The following STK39 variants were observed in gnomAD, a reference collection of about 807,000 sequenced individuals.
The protein encoded by STK39 is STE20/SPS1-related proline-alanine-rich protein kinase.
A neutral mutation model predicts 77.8 loss-of-function variants in STK39; 20 were observed. That is an observed-to-expected ratio of 0.26 (90% confidence interval 0.18 to 0.37). The LOEUF is 0.37. Among genes scored for constraint, STK39 ranks in the 10% least tolerant of loss-of-function variants. The probability of loss-of-function intolerance (pLI) is 1.00; values close to 1 mark genes in which losing one functional copy is unlikely to be tolerated. For missense variants in STK39, 479 were observed against 656.5 expected (o/e 0.73, Z 2.95); for synonymous variants, 246 against 234.1 (o/e 1.05, Z -0.47).
At chr2:168,009,296 G>T (rs537752958) in intron 16 of STK39, among the ~76,000 whole-genome samples, 133 of 152,270 alleles carry the variant, frequency 8.7e-4, no homozygotes, top group Non-Finnish European at 1.6e-3. Context: ...GTAGAGATTT[G>T]CTAGGATTGG....
Position 168,075,010 on chromosome 2 carries a change from G to A in STK39, c.1214C>T (p.Ser405Leu). Residue 405 changes from serine to leucine, a missense_variant and splice_region_variant, in exon 12 of 18, where the codon TCA becomes TTA. Ser to Leu is a moderately radical substitution (Grantham distance 145). This residue lies in a region of STK39 where 244 missense variants were observed against 296.8 expected (regional missense o/e 0.82). Coordinates refer to ENST00000355999, the MANE Select transcript of STK39 (RefSeq NM_013233.3). ...TGGATTTTCTTCTTTTACTCTTCGT[G>A]ACTGTAAAACAATTATGTATCCATT... Reference protein sequence around the residue: ...EGKAAFSQEKSRRVKEENPEI... With the variant: ...EGKAAFSQEKLRRVKEENPEI... The A allele has an allele frequency of 6.2e-7, 1 of 1,613,772 alleles. No individual in the cohort carries two copies. The highest frequency in any genetic ancestry group is 8.5e-7 in the Non-Finnish European group (1 of 1,179,974).
At chr2:168,162,286 CAAAAAAAAAAAA>C (rs5836174) in intron 4 of STK39, among the ~76,000 whole-genome samples, 5 of 85,704 alleles carry the variant, frequency 5.8e-5, no homozygotes, top group African/African-American at 1.2e-4. Flanking sequence ...AACTTGGTCT[CAAAAAAAAAAAA>C]AAAAAAAAAA....
At chr2:168,088,454 T>C (rs1289461448) in intron 10 of STK39, among the ~76,000 whole-genome samples, 1 of 152,164 alleles carries the variant, frequency 6.6e-6, no homozygotes, top group Non-Finnish European at 1.5e-5. Context: ...GCCTCTTCCA[T>C]GTGAAAAAGG....
intron 17 of STK39, among the ~76,000 whole-genome samples, chr2:167,961,158 A>G (rs1691946648): frequency 6.6e-6 from 1 of 152,318 alleles, no homozygotes; most frequent in African/African-American, 2.4e-5. Context: ...TAAAACGCTT[A>G]GGTAGTTTTT....
intron 14 of STK39, among the ~76,000 whole-genome samples, chr2:168,036,757 T>C (rs1482776372): frequency 6.6e-6 from 1 of 152,146 alleles, no homozygotes; most frequent in Non-Finnish European, 1.5e-5. Context: ...TTCCTAGAGC[T>C]TAATGATAGA....
intron 10 of STK39, among the ~76,000 whole-genome samples, chr2:168,102,681 G>C (rs896439103): frequency 6.6e-6 from 1 of 152,052 alleles, no homozygotes; most frequent in African/African-American, 2.4e-5. Context: ...TGTAATCCCA[G>C]CACTTTGGGA....
chr2:168,129,568 T>C lies in STK39; in HGVS notation c.1062A>G (p.Thr354=), dbSNP rs1254957807. 6.2e-7 allele frequency: 1 copy of C among 1,614,062 alleles called. No individual in the cohort carries two copies. Among genetic ancestry groups the C allele is most frequent in the South Asian group, 1.1e-5 (1 of 91,078 alleles). ...TTTTGGCTCTTTGGGCTATGTCTGGTGTTCTTGTAAGCAGCTTCTCAATCA... is the reference window on the plus strand; with the variant it reads ...TTTTGGCTCTTTGGGCTATGTCTGGCGTTCTTGTAAGCAGCTTCTCAATCA... The part of the protein sequence containing the change: ...EYLIEKLLTR[T]PDIAQRAKKV... The change falls in exon 10 of 18, where the codon ACA becomes ACG. Residue 354 remains threonine (T), a synonymous_variant. Coordinates refer to ENST00000355999, the MANE Select transcript of STK39 (RefSeq NM_013233.3).
At chr2:168,189,377 A>C (rs1247313756) in intron 1 of STK39, among the ~76,000 whole-genome samples, 1 of 150,690 alleles carries the variant, frequency 6.6e-6, no homozygotes, top group Non-Finnish European at 1.5e-5. Context: ...AAATAAACTC[A>C]CCTTGGACCA....
intron 5 of STK39, among the ~76,000 whole-genome samples, chr2:168,159,907 T>C (rs1431853974): frequency 6.6e-6 from 1 of 152,214 alleles, no homozygotes; most frequent in East Asian, 1.9e-4. Flanking sequence ...AGGGGCTTCC[T>C]GCCTGAGCCC....
chr2:168,203,839 C>A (rs1301425000), intron 1 of STK39, among the ~76,000 whole-genome samples: 1 of 152,220 alleles, frequency 6.6e-6, no homozygotes, highest in African/African-American at 2.4e-5. Flanking sequence ...GGTGATCCAC[C>A]CACCTCGGCC....
intron 2 of STK39, among the ~76,000 whole-genome samples, chr2:168,168,747 T>G (rs573514756): frequency 6.6e-6 from 1 of 152,322 alleles, no homozygotes; most frequent in Non-Finnish European, 1.5e-5. Flanking sequence ...TCCCAACACT[T>G]TGGGAGGCCG....
chr2:168,156,240 G>C (rs1163053511), intron 5 of STK39, among the ~76,000 whole-genome samples: 1 of 152,140 alleles, frequency 6.6e-6, no homozygotes, highest in Non-Finnish European at 1.5e-5. Context: ...GGTAAGAAAG[G>C]GGAACCCTGA....
At chr2:168,124,688 T>C (rs867378796) in intron 10 of STK39, among the ~76,000 whole-genome samples, 10 of 152,162 alleles carry the variant, frequency 6.6e-5, no homozygotes, top group African/African-American at 2.2e-4. Flanking sequence ...TGTGAGCCAC[T>C]GCGCCCAACC....
intron 14 of STK39, among the ~76,000 whole-genome samples, chr2:168,044,051 T>G (rs1685175580): frequency 6.6e-6 from 1 of 152,142 alleles, no homozygotes; most frequent in Non-Finnish European, 1.5e-5. Context: ...TCTGGGGAGG[T>G]TGTGTGAAAG....
chr2:168,056,631 T>A (rs1255220495), intron 14 of STK39, among the ~76,000 whole-genome samples: 1 of 152,220 alleles, frequency 6.6e-6, no homozygotes, highest in Non-Finnish European at 1.5e-5. Flanking sequence ...TGAGGAGTGA[T>A]TCACAGAGAG....
At chr2:168,043,142 A>C (rs1381021016) in intron 14 of STK39, among the ~76,000 whole-genome samples, 2 of 152,156 alleles carry the variant, frequency 1.3e-5, no homozygotes, top group Admixed American at 1.3e-4. Flanking sequence ...TATGAATACA[A>C]AATACAGTTC....
At chr2:167,962,145 A>G (rs1383251692) in intron 17 of STK39, among the ~76,000 whole-genome samples, 1 of 152,196 alleles carries the variant, frequency 6.6e-6, no homozygotes, top group African/African-American at 2.4e-5. Context: ...TTTCCTTTAA[A>G]AAGTAATGAA....
At chr2:168,123,738 G>GGCTAATCCCACCGGGCATGGT (rs1687467528) in intron 10 of STK39, among the ~76,000 whole-genome samples, 1 of 151,570 alleles carries the variant, frequency 6.6e-6, no homozygotes, top group South Asian at 2.1e-4. Context: ...GCATGGTGGC[G>GGCTAATCCCACCGGGCATGGT]GGCACCTGTA....
intron 14 of STK39, among the ~76,000 whole-genome samples, chr2:168,043,606 A>G (rs538942402): frequency 6.6e-6 from 1 of 152,370 alleles, no homozygotes; most frequent in South Asian, 2.1e-4. Flanking sequence ...AATAGGTTAC[A>G]ACTAACTCAG....
Sources: allele counts gnomAD v4.1 joint callset (sites outside exome capture counted in the v4.1 genomes callset), GRCh38; gene constraint gnomAD v4.1.1; regional missense constraint gnomAD v4.1.1; transcripts MANE v1.5; gene names NCBI Gene and HGNC (gene_info 2026-07-23, HGNC 2026-07-21).